LINC00632: variants seen among roughly 807,000 people sequenced by gnomAD.
LINC00632 encodes the protein long independently transcribed non-coding RNA 632.
At chrX:140,782,368 A>T (rs1931946217) in exon 5 of LINC00632, 1 of 111,683 alleles carries the variant, frequency 9.0e-6, no homozygotes, top group Admixed American at 9.5e-5. Context: ...CAATATTATA[A>T]CATCCGTGCA....
chrX:140,778,690 T>C (rs982132469), exon 5 of LINC00632, among the ~76,000 whole-genome samples: 1 of 111,398 alleles, frequency 9.0e-6, no homozygotes, highest in Admixed American at 9.6e-5. Context: ...GCCATTTTTT[T>C]ATTTATTTTG....
chrX:140,715,429 C>A (rs1250647217), intron 2 of LINC00632, among the ~76,000 whole-genome samples: 2 of 110,426 alleles, frequency 1.8e-5, no homozygotes, highest in Admixed American at 9.7e-5. Context: ...CCCGTCTCTA[C>A]TAAAAATACA....
At chrX:140,723,470 TAC>T (rs1930783525) in intron 2 of LINC00632, among the ~76,000 whole-genome samples, 4 of 3,890 alleles carry the variant, frequency 1.0e-3, no homozygotes, top group Admixed American at 9.4e-3. Context: ...ACACATTCCA[TAC>T]ACATACACAC....
At chrX:140,770,515 C>T (rs988762702) in intron 3 of LINC00632, among the ~76,000 whole-genome samples, 2 of 111,688 alleles carry the variant, frequency 1.8e-5, no homozygotes, top group African/African-American at 6.5e-5. Flanking sequence ...CCAGCCTGGG[C>T]GACAGAGTGA....
chrX:140,785,277 C>T (rs1159961284), exon 5 of LINC00632, among the ~76,000 whole-genome samples: 4 of 111,313 alleles, frequency 3.6e-5, no homozygotes, highest in Non-Finnish European at 7.5e-5. Flanking sequence ...CATGCATTAA[C>T]TCATTTAATC....
exon 4 of LINC00632, chrX:140,772,155 C>G (rs1353736165): frequency 1.7e-5 from 5 of 295,963 alleles, no homozygotes; most frequent in Non-Finnish European, 2.9e-5. Context: ...CTGCAAGTCA[C>G]CATCATACAA....
chrX:140,748,788 A>G (rs924223462), intron 3 of LINC00632, among the ~76,000 whole-genome samples: 3 of 105,947 alleles, frequency 2.8e-5, no homozygotes, highest in South Asian at 3.9e-4. Context: ...AATATGATAT[A>G]TATATTTTAT....
chrX:140,781,336 C>T (rs372230983), exon 5 of LINC00632, among the ~76,000 whole-genome samples: 34 of 111,233 alleles, frequency 3.1e-4, no homozygotes, highest in African/African-American at 1.1e-3. Context: ...CTGTTCCCCT[C>T]CATATATGTC....
chrX:140,718,912 C>A (rs1353678921), intron 2 of LINC00632, among the ~76,000 whole-genome samples: 1 of 111,750 alleles, frequency 8.9e-6, no homozygotes, highest in Admixed American at 9.6e-5. Flanking sequence ...CACATACTCA[C>A]CCCAGAACAC....
chrX:140,719,318 A>C (rs986846033), intron 2 of LINC00632, among the ~76,000 whole-genome samples: 1 of 109,066 alleles, frequency 9.2e-6, no homozygotes, highest in African/African-American at 3.3e-5. Context: ...TTTTTCTTTG[A>C]GATGGAGTCT....
chrX:140,788,864 A>G (rs1414235665), exon 5 of LINC00632, among the ~76,000 whole-genome samples: 2 of 100,392 alleles, frequency 2.0e-5, no homozygotes, highest in Non-Finnish European at 4.1e-5. Flanking sequence ...CCATATATGC[A>G]TATTCCATAT....
At chrX:140,746,547 A>G (rs769209759) in intron 3 of LINC00632, among the ~76,000 whole-genome samples, 13 of 112,456 alleles carry the variant, frequency 1.2e-4, no homozygotes, top group Admixed American at 1.9e-4. Context: ...GTGTGAAGTT[A>G]CATTTTGAGA....
At position 140,715,589 on chromosome X, in the gene LINC00632, C is replaced by T. The variant is rs1262798018; in HGVS notation, n.104+3933C>T. On this transcript the variant is annotated intron_variant and non_coding_transcript_variant, in intron 2 of 4. Coordinates refer to ENST00000648200, the Ensembl canonical transcript of LINC00632. ...CACCTTGGGCAACAGAGTGAGACTTCGTCTAAAAAAAAAAGAAAGAAAGAA... is the reference window on the plus strand; with the variant it reads ...CACCTTGGGCAACAGAGTGAGACTTTGTCTAAAAAAAAAAGAAAGAAAGAA... 8.0e-5 allele frequency among the ~76,000 whole-genome samples: 7 copies of T among 87,899 alleles called. No homozygotes were observed. In the East Asian group the frequency reaches 1.7e-3, roughly 22 times the overall value. The allele number at this position is 87,899 out of a possible 115,157, so 76.3% of individuals were successfully genotyped here. A position where few individuals can be genotyped will look rare whatever the true frequency, so the allele number is the denominator to read the frequency against.
At chrX:140,747,703 G>A (rs1931347772) in intron 3 of LINC00632, among the ~76,000 whole-genome samples, 1 of 111,151 alleles carries the variant, frequency 9.0e-6, no homozygotes, top group South Asian at 3.8e-4. Flanking sequence ...TCTTCACTAA[G>A]AGTTGCCTTA....
exon 5 of LINC00632, among the ~76,000 whole-genome samples, chrX:140,786,778 G>A (rs1932025106): frequency 1.8e-5 from 2 of 111,544 alleles, no homozygotes; most frequent in South Asian, 7.4e-4. Flanking sequence ...AAAAACCTTA[G>A]TCTAACATTC....
rs965417852 is a variant in LINC00632, at chrX:140,721,790, T to C, written n.104+10134T>C. On this transcript the variant is annotated intron_variant and non_coding_transcript_variant, in intron 2 of 4. Transcript: ENST00000648200. Reference sequence around the variant, plus strand: ...CCTTAGACCACATAAAAATGTTAGATAACATACAGAAAAAAACACATAAAT... The same window carrying C: ...CCTTAGACCACATAAAAATGTTAGACAACATACAGAAAAAAACACATAAAT... Among the ~76,000 whole-genome samples the C allele has an allele frequency of 2.7e-5, 3 of 111,190 alleles. No individual in the cohort carries two copies. In the Admixed American group the frequency reaches 2.9e-4, roughly 11 times the overall value.
chrX:140,711,648 G>A (rs1324892849), exon 2 of LINC00632: 2 of 310,273 alleles, frequency 6.4e-6, no homozygotes, highest in Non-Finnish European at 1.3e-5. Context: ...GGAATTCCTG[G>A]ATCAAATGGT....
chrX:140,786,468 C>A (rs1450520729), exon 5 of LINC00632, among the ~76,000 whole-genome samples: 1 of 111,522 alleles, frequency 9.0e-6, no homozygotes, highest in East Asian at 2.8e-4. Context: ...ATTTGGTTCT[C>A]ACAATATAGC....
chrX:140,725,326 C>T (rs1484862968), intron 2 of LINC00632, among the ~76,000 whole-genome samples: 40 of 108,886 alleles, frequency 3.7e-4, no homozygotes, highest in Non-Finnish European at 5.7e-5. Flanking sequence ...CATACACACA[C>T]ACATATTCCA....
Sources: gnomAD v4.1 joint callset for allele counts (sites outside exome capture counted in the v4.1 genomes callset) on GRCh38, gnomAD v4.1.1 for gene constraint, MANE v1.5 for transcripts, NCBI Gene and HGNC (gene_info 2026-07-23, HGNC 2026-07-21) for gene names.